SMS: variants seen among roughly 807,000 people sequenced by gnomAD.
The protein encoded by SMS is spermine synthase.
SMS carries 3 observed loss-of-function variants against 33.0 expected under a neutral mutation model. That is an observed-to-expected ratio of 0.09 (90% confidence interval 0.04 to 0.23). The LOEUF (loss-of-function observed/expected upper bound fraction) is 0.23. Among genes scored for constraint, SMS ranks in the 10% least tolerant of loss-of-function variants. The pLI, the probability that SMS is intolerant of heterozygous loss-of-function variation, is 1.00. For synonymous variants in SMS, 103 were observed against 112.2 expected, an observed-to-expected ratio of 0.92 and a Z score of 0.52; for missense variants, 117 against 288.6, an observed-to-expected ratio of 0.41 and a Z score of 4.31.
intron 1 of SMS, among the ~76,000 whole-genome samples, chrX:21,954,179 T>A (rs1415462604): frequency 8.9e-6 from 1 of 112,165 alleles, no homozygotes; most frequent in African/African-American, 3.2e-5. Flanking sequence ...TTATTCTAGT[T>A]TCAAATGCTA....
At chrX:21,962,612 G>A (rs1055194892) in intron 1 of SMS, among the ~76,000 whole-genome samples, 3 of 111,472 alleles carry the variant, frequency 2.7e-5, no homozygotes, top group African/African-American at 6.5e-5. Flanking sequence ...CTACTTAATT[G>A]GCCTAATGTG....
At chrX:21,979,002 C>T (rs1453110191) in intron 7 of SMS, 36 bp downstream of exon 7, 1 of 953,839 alleles carries the variant, frequency 1.0e-6, no homozygotes, top group Non-Finnish European at 1.5e-6. Context: ...TTTAAGTGAA[C>T]TAATAATATA....
chrX:21,985,869 A>T (rs987014276), intron 9 of SMS, among the ~76,000 whole-genome samples: 2 of 111,048 alleles, frequency 1.8e-5, no homozygotes, highest in Non-Finnish European at 3.8e-5. Flanking sequence ...CAAAAAGTTT[A>T]AAAAATTAGC....
chrX:21,958,995 T>C (rs891556092), intron 1 of SMS, among the ~76,000 whole-genome samples: 1 of 113,068 alleles, frequency 8.8e-6, no homozygotes, highest in African/African-American at 3.2e-5. Flanking sequence ...TGCTTCTCCA[T>C]CTATAACCTG....
intron 10 of SMS, 72 bp downstream of exon 10, chrX:21,992,784 T>A: frequency 1.7e-6 from 1 of 591,310 alleles, no homozygotes; most frequent in Non-Finnish European, 2.9e-6. Context: ...TGAAAAAATT[T>A]AAATCACAAT....
intron 9 of SMS, among the ~76,000 whole-genome samples, chrX:21,986,926 A>C (rs1192413929): frequency 9.0e-6 from 1 of 111,129 alleles, no homozygotes; most frequent in Non-Finnish European, 1.9e-5. Context: ...TCCCTGTCTT[A>C]TAGGAAACCA....
At chrX:21,957,107 G>A (rs774478064) in intron 1 of SMS, among the ~76,000 whole-genome samples, 90 of 109,860 alleles carry the variant, frequency 8.2e-4, no homozygotes, top group Admixed American at 4.9e-4. Flanking sequence ...ATCTGAGCCC[G>A]TGCCTGGTGG....
intron 5 of SMS, 117 bp from the exon 6 acceptor site, chrX:21,977,843 A>C (rs1924633423): frequency 1.3e-6 from 1 of 776,157 alleles, no homozygotes; most frequent in Admixed American, 2.3e-5. Context: ...ACAGTTTTAA[A>C]AAATTGAAAA....
chrX:21,968,499 C>A (rs1923897936), intron 2 of SMS, among the ~76,000 whole-genome samples: 1 of 111,683 alleles, frequency 9.0e-6, no homozygotes, highest in Non-Finnish European at 1.9e-5. Flanking sequence ...CGTAAGAGTT[C>A]TTGAAGCAAT....
At chrX:21,946,066 T>TA (rs1922207174) in intron 1 of SMS, among the ~76,000 whole-genome samples, 3 of 98,896 alleles carry the variant, frequency 3.0e-5, no homozygotes, top group Non-Finnish European at 6.2e-5. Flanking sequence ...TGACCAGGTG[T>TA]AGTTGACAGT....
intron 1 of SMS, among the ~76,000 whole-genome samples, chrX:21,948,439 C>CTTTTTTTTCTTTTT (rs1922382131): frequency 5.0e-5 from 4 of 80,206 alleles, no homozygotes; most frequent in Non-Finnish European, 9.3e-5. Context: ...GTCAATGTGT[C>CTTTTTTTTCTTTTT]TTTTTTTTTT....
intron 1 of SMS, among the ~76,000 whole-genome samples, chrX:21,948,769 C>T (rs767949935): frequency 3.9e-4 from 43 of 111,545 alleles, no homozygotes; most frequent in Non-Finnish European, 1.1e-4. Flanking sequence ...CAATAAAGTT[C>T]TTAGTTTAGT....
intron 2 of SMS, among the ~76,000 whole-genome samples, chrX:21,969,726 G>C (rs1335071664): frequency 8.9e-6 from 1 of 112,561 alleles, no homozygotes; most frequent in Non-Finnish European, 1.9e-5. Flanking sequence ...TTCCCAGAAG[G>C]GGTTTTTGAG....
In SMS at chrX:21,970,751, T is replaced by G. The variant is rs779030125; in HGVS notation, c.171-1146T>G. On this transcript the variant is annotated intron_variant, in intron 2 of 10. Coordinates refer to ENST00000404933, the MANE Select transcript of SMS (RefSeq NM_004595.5). The stretch of plus-strand genomic sequence containing the variant: ...GCTTAGCTTATTATTTTTAGTTTTT[T>G]TTTTTTTTTTTTTAATCCAAGCACA... Among the ~76,000 whole-genome samples the G allele has an allele frequency of 9.5e-4, 101 of 106,662 alleles. 1 individual carries two copies. The highest frequency in any genetic ancestry group is 3.1e-3 in the African/African-American group (92 of 29,260). 92.6% of individuals were successfully genotyped at this position (106,662 alleles called of 115,157 possible).
At chrX:21,988,109 C>A (rs1315637693) in intron 9 of SMS, among the ~76,000 whole-genome samples, 1 of 112,405 alleles carries the variant, frequency 8.9e-6, no homozygotes, top group Admixed American at 9.4e-5. Context: ...GTTGGAACCA[C>A]AAAACAGTCT....
chrX:21,980,430 ATAT>A (rs1211412599), intron 7 of SMS, among the ~76,000 whole-genome samples: 1 of 30,914 alleles, frequency 3.2e-5, no homozygotes, highest in African/African-American at 5.4e-5. Context: ...AAAAAAAAAA[ATAT>A]ATATATATAT....
chrX:21,972,916 CAAAAAAA>C (rs981181175), intron 4 of SMS, among the ~76,000 whole-genome samples: 7 of 39,578 alleles, frequency 1.8e-4, no homozygotes, highest in Admixed American at 3.4e-4. Context: ...GAGACTGTCT[CAAAAAAA>C]AAAAAAAAAA....
At chrX:21,945,661 C>G (rs1236140372) in intron 1 of SMS, among the ~76,000 whole-genome samples, 1 of 86,600 alleles carries the variant, frequency 1.2e-5, no homozygotes. Context: ...TACAGTCTCG[C>G]TCTGTCGCCC....
chrX:21,955,886 T>C (rs1021864501), intron 1 of SMS, among the ~76,000 whole-genome samples: 1 of 111,942 alleles, frequency 8.9e-6, no homozygotes, highest in Non-Finnish European at 1.9e-5. Flanking sequence ...TACTGTCTTT[T>C]GTCTGTGCCT....
Sources: allele counts gnomAD v4.1 joint callset (sites outside exome capture counted in the v4.1 genomes callset), GRCh38; gene constraint gnomAD v4.1.1; transcripts MANE v1.5; gene names NCBI Gene and HGNC (gene_info 2026-07-23, HGNC 2026-07-21).